The following TEX14 variants were observed in gnomAD, a reference collection of about 807,000 sequenced individuals.
TEX14 encodes inactive serine/threonine-protein kinase TEX14.
A neutral mutation model predicts 178.6 loss-of-function variants in TEX14; 168 were observed. The observed-to-expected ratio is 0.94, with a 90% CI of 0.83 to 1.07. TEX14 has a LOEUF of 1.07. Among genes scored for constraint, TEX14 ranks in the 50% least tolerant of loss-of-function variants. The pLI, the probability that TEX14 is intolerant of heterozygous loss-of-function variation, is 0.00. For synonymous variants in TEX14, 626 were observed against 634.1 expected, an observed-to-expected ratio of 0.99 and a Z score of 0.19; for missense variants, 1,730 against 1,753.6, an observed-to-expected ratio of 0.99 and a Z score of 0.24.
intron 2 of TEX14, among the ~76,000 whole-genome samples, chr17:58,642,595 T>C (rs2046600692): frequency 1.3e-5 from 2 of 152,026 alleles, no homozygotes; most frequent in African/African-American, 4.8e-5. Context: ...TGGCACGATC[T>C]GGGCTCACTG....
At position 58,622,988 on chromosome 17, in the gene TEX14, AG is replaced by A; in HGVS notation, c.275del (p.Pro92LeufsTer39). ...PNHRCFDGST[P>X]VHAAAFSGNQ... ...TGCCCGAAAATGCTGCTGCATGGAC[AG>A]GGGTGCTCCCATCAAAGCAGCGGCT... is the stretch of plus-strand genomic sequence containing the variant. On this transcript the variant is annotated frameshift_variant, in exon 4 of 32. Coordinates refer to ENST00000349033, the MANE Select transcript of TEX14 (RefSeq NM_031272.5). LOFTEE classifies it high-confidence loss of function. The A allele has an allele frequency of 6.2e-7, 1 of 1,600,344 alleles. No individual in the cohort carries two copies. Among genetic ancestry groups the A allele is most frequent in the Non-Finnish European group, 8.6e-7 (1 of 1,168,314 alleles).
intron 3 of TEX14, among the ~76,000 whole-genome samples, chr17:58,630,066 T>G (rs1400338083): frequency 6.7e-6 from 1 of 150,342 alleles, no homozygotes. Context: ...CCCTTTTTTT[T>G]TTATTTTGAG....
chr17:58,652,531 T>C (rs1349194472), intron 1 of TEX14, among the ~76,000 whole-genome samples: 1 of 152,184 alleles, frequency 6.6e-6, no homozygotes, highest in Non-Finnish European at 1.5e-5. Context: ...CCCTGAGGCC[T>C]CCCCAGCACT....
rs149680554 is a variant in TEX14 at position 58,605,044 on chromosome 17, G to A, written c.1270C>T (p.Gln424Ter). The A allele has an allele frequency of 6.2e-7, 1 of 1,614,206 alleles. No homozygotes were observed. The highest frequency in any genetic ancestry group is 1.1e-5 in the South Asian group (1 of 91,080). The stretch of plus-strand genomic sequence containing the variant: ...TCTGATTTCACTGTGGCTGCCTTCT[G>A]TAAGATCACTTCTGGTGCGGCCCAG... ...YNWAAPEVILQKAATVKSDIY... is the reference protein window; with the variant it reads ...YNWAAPEVIL The change falls in exon 11 of 32, where the codon CAG (glutamine) becomes TAG (stop). Residue 424 changes from glutamine to a stop codon, truncating the protein, a stop_gained. Coordinates refer to ENST00000349033, the MANE Select transcript of TEX14 (RefSeq NM_031272.5). LOFTEE classifies it high-confidence loss of function.
chr17:58,565,956 G>T, intron 26 of TEX14, 132 bp from the exon 27 acceptor site: 1 of 678,392 alleles, frequency 1.5e-6, no homozygotes, highest in Non-Finnish European at 2.5e-6. Flanking sequence ...CGTTAGGAAT[G>T]CAAATTCTCA....
In TEX14 at chr17:58,601,521, C is replaced by A. The variant is rs867482082; in HGVS notation, c.1678+285G>T. 5.3e-3 allele frequency among the ~76,000 whole-genome samples: 525 copies of A among 99,758 alleles called. 6 individuals are homozygous for A. Among genetic ancestry groups the A allele is most frequent in the African/African-American group, 0.018 (480 of 27,098 alleles). 65.4% of individuals were successfully genotyped at this position (99,758 alleles called of 152,430 possible). On this transcript the variant is annotated intron_variant, in intron 13 of 31. Transcript: ENST00000349033. ...TGGGCAACAGAGCAAGATTCCATCTCAAAAAAAAAAAAAAAGAAAAAAATT... is the reference window on the plus strand; with the variant it reads ...TGGGCAACAGAGCAAGATTCCATCTAAAAAAAAAAAAAAAAGAAAAAAATT...
chr17:58,632,321 T>G (rs2046341066), intron 2 of TEX14, among the ~76,000 whole-genome samples: 1 of 152,234 alleles, frequency 6.6e-6, no homozygotes, highest in Admixed American at 6.5e-5. Flanking sequence ...TATTTTGTAT[T>G]TCTTCCCCAA....
chr17:58,569,245 T>C lies in TEX14; in HGVS notation c.3833A>G (p.Gln1278Arg). The C allele has an allele frequency of 1.2e-6, 2 of 1,614,060 alleles. No individual in the cohort carries two copies. Among genetic ancestry groups the C allele is most frequent in the Non-Finnish European group, 1.7e-6 (2 of 1,179,902 alleles). Reference protein sequence around the residue: ...RSLPKVEAFSQHHIDELPPPS... With the variant: ...RSLPKVEAFSRHHIDELPPPS... ...TGGTGGCAGCTCATCAATGTGATGC[T>C]GTGAGAAGGCTTCTACTAGTTTTTA... Residue 1278 changes from glutamine to arginine, a missense_variant, in exon 26 of 32, where the codon CAG (glutamine) becomes CGG (arginine). Transcript: ENST00000349033. This position sits in a 1 kb window ranked among gnomAD's most constrained non-coding sequence, Gnocchi z 4.1.
intron 2 of TEX14, among the ~76,000 whole-genome samples, chr17:58,647,607 G>T (rs2143211331): frequency 7.3e-6 from 1 of 136,554 alleles, no homozygotes. Flanking sequence ...GTGTGCTTGA[G>T]GTCAGGCAAA....
intron 21 of TEX14, among the ~76,000 whole-genome samples, chr17:58,576,712 C>T (rs1034553473): frequency 2.6e-5 from 4 of 152,114 alleles, no homozygotes; most frequent in Non-Finnish European, 5.9e-5. Context: ...GGCAACCACT[C>T]ATCTGTTCTT....
rs748481153 is a variant in TEX14, at chr17:58,556,983, C to G, written c.*28G>C. ...ACAACCAGGACACTCAAACTCAGGC[C>G]AGGAGTCCGTCTATGATCCAATTCC... On this transcript the variant is annotated 3_prime_UTR_variant, in exon 32 of 32. Transcript: ENST00000349033. 4 of 1,602,158 alleles carry G rather than the reference C, an allele frequency of 2.5e-6. No homozygotes were observed. Among genetic ancestry groups the G allele is most frequent in the Non-Finnish European group, 3.4e-6 (4 of 1,169,224 alleles).
intron 1 of TEX14, chr17:58,659,226 G>GCAAACACACCC (rs1456379803): frequency 4.1e-5 from 8 of 194,540 alleles, no homozygotes; most frequent in South Asian, 4.4e-4. Flanking sequence ...AATCGCGGGA[G>GCAAACACACCC]CAAACACATA....
Position 58,572,067 on chromosome 17 carries a change from C to G in TEX14, c.3571G>C (p.Val1191Leu). 1 of 1,614,166 alleles carries G rather than the reference C, an allele frequency of 6.2e-7. No homozygotes were observed. Among genetic ancestry groups the G allele is most frequent in the South Asian group, 1.1e-5 (1 of 91,086 alleles). ...CAGCAAGAGGCAAACTCTGTCTTAA[C>G]CTGAAATGTGATACTTTCAAGGCAG... ...KDCLESITFQ[V>L]KTEFASCWNS... The change falls in exon 24 of 32, where the codon GTT becomes CTT. Residue 1191 changes from valine to leucine, a missense_variant. Val to Leu is a conservative substitution (Grantham distance 32). Transcript: ENST00000349033.
rs1273699386 is a variant in TEX14, at chr17:58,569,271, A to G, written c.3818-11T>C. On this transcript the variant is annotated splice_polypyrimidine_tract_variant and intron_variant, in intron 25 of 31. Transcript: ENST00000349033. This position sits in a 1 kb window ranked among gnomAD's most constrained non-coding sequence, Gnocchi z 4.1. ...GTGAGAAGGCTTCTACTAGTTTTTAAAAAAGACAAAAGGGAAAATGTCTTA... is the reference window on the plus strand; with the variant it reads ...GTGAGAAGGCTTCTACTAGTTTTTAGAAAAGACAAAAGGGAAAATGTCTTA... 3 of 1,613,056 alleles carry G rather than the reference A, an allele frequency of 1.9e-6. No individual in the cohort carries two copies. The highest frequency in any genetic ancestry group is 2.5e-6 in the Non-Finnish European group (3 of 1,179,126).
chr17:58,687,452 G>A (rs2047621124), intron 1 of TEX14, among the ~76,000 whole-genome samples: 1 of 152,040 alleles, frequency 6.6e-6, no homozygotes, highest in African/African-American at 2.4e-5. Flanking sequence ...GGGTTACAGA[G>A]TGGTGCCCTG....
chr17:58,629,735 TG>T lies in TEX14; in HGVS notation c.251+704del, dbSNP rs1031137982. Reference sequence around the variant, plus strand: ...CTGTAGTCCCAGCTCCTCAGGAGGCTGAGGCAGGAGAATGGCGTGAACTCGG... The same window carrying T: ...CTGTAGTCCCAGCTCCTCAGGAGGCTAGGCAGGAGAATGGCGTGAACTCGG... On this transcript the variant is annotated intron_variant, in intron 3 of 31. Coordinates refer to ENST00000349033, the MANE Select transcript of TEX14 (RefSeq NM_031272.5). Among the ~76,000 whole-genome samples the T allele has an allele frequency of 1.3e-4, 19 of 150,862 alleles. No homozygotes were observed. The South Asian group carries it at 3.1e-3, about 25-fold the overall frequency.
intron 13 of TEX14, 51 bp from the exon 14 acceptor site, chr17:58,599,717 A>AGCCAAGGCT: frequency 6.8e-7 from 1 of 1,474,982 alleles, no homozygotes; most frequent in Non-Finnish European, 9.3e-7. Flanking sequence ...CATATTTGGC[A>AGCCAAGGCT]GCTAAGCAGC....
chr17:58,558,238 T>G (rs2144316568), intron 30 of TEX14, among the ~76,000 whole-genome samples: 1 of 152,244 alleles, frequency 6.6e-6, no homozygotes, highest in Non-Finnish European at 1.5e-5. Flanking sequence ...AGAGGTTTAT[T>G]TAGAGTTAAG....
At chr17:58,603,809 C>T (rs2045533344) in intron 11 of TEX14, among the ~76,000 whole-genome samples, 1 of 148,326 alleles carries the variant, frequency 6.7e-6, no homozygotes, top group South Asian at 2.2e-4. Context: ...AGCCAAGATC[C>T]CGCCACTGCA....
Sources: gnomAD v4.1 joint callset for allele counts (sites outside exome capture counted in the v4.1 genomes callset) on GRCh38, gnomAD v4.1.1 for gene constraint, Gnocchi (gnomAD v3.1) non-coding constraint, MANE v1.5 for transcripts, NCBI Gene and HGNC (gene_info 2026-07-23, HGNC 2026-07-21) for gene names.